Variants in HAPSTR1 observed in about 807,000 individuals in gnomAD.
HAPSTR1 encodes the protein HUWE1-associated protein modifying stress responses 1.
At chr16:9,102,349 A>G in the HAPSTR1 span, among the ~76,000 whole-genome samples, 4 of 152,238 alleles carry the variant, frequency 2.6e-5, no homozygotes, top group African/African-American at 9.6e-5. Flanking sequence ...TCATTTTACC[A>G]AAACCCAGGT....
the HAPSTR1 span, chr16:9,106,365 C>A: frequency 9.0e-6 from 1 of 111,100 alleles, no homozygotes; most frequent in East Asian, 2.4e-4. Context: ...CTGCGACTTC[C>A]GCCTCCTGGG....
chr16:9,114,967 G>C, the HAPSTR1 span, among the ~76,000 whole-genome samples: 1 of 152,186 alleles, frequency 6.6e-6, no homozygotes, highest in African/African-American at 2.4e-5. Flanking sequence ...AAGAGGGACA[G>C]TTTGATTTCC....
At chr16:9,094,297 A>C in the HAPSTR1 span, among the ~76,000 whole-genome samples, 1 of 152,204 alleles carries the variant, frequency 6.6e-6, no homozygotes, top group South Asian at 2.1e-4. Flanking sequence ...TTGATTTTAT[A>C]TAGCTGTTTG....
At chr16:9,102,649 G>T in the HAPSTR1 span, among the ~76,000 whole-genome samples, 20 of 152,254 alleles carry the variant, frequency 1.3e-4, 1 homozygote, top group African/African-American at 4.8e-4. Context: ...CCTGAGGCAT[G>T]TGCAATATTT....
the HAPSTR1 span, among the ~76,000 whole-genome samples, chr16:9,102,725 C>G: frequency 1.3e-5 from 2 of 152,088 alleles, no homozygotes; most frequent in Non-Finnish European, 2.9e-5. Flanking sequence ...CCTAATCTCT[C>G]TGTTTCTGTT....
chr16:9,112,095 T>A, the HAPSTR1 span: 1 of 152,262 alleles, frequency 6.6e-6, no homozygotes, highest in Non-Finnish European at 1.5e-5. Context: ...TTCAGTATTA[T>A]AATTTACAGA....
the HAPSTR1 span, chr16:9,117,105 A>T: frequency 1.3e-6 from 1 of 751,858 alleles, no homozygotes; most frequent in African/African-American, 1.8e-5. Flanking sequence ...GGCTTTCTTA[A>T]AACTATAATC....
At chr16:9,092,707 C>G in the HAPSTR1 span, among the ~76,000 whole-genome samples, 4 of 152,016 alleles carry the variant, frequency 2.6e-5, no homozygotes, top group African/African-American at 7.2e-5. Flanking sequence ...CCCCTGAGCT[C>G]TGCGGCATCC....
the HAPSTR1 span, chr16:9,106,535 C>G: frequency 5.3e-5 from 8 of 151,952 alleles, no homozygotes; most frequent in African/African-American, 1.7e-4. Context: ...CTTAGCCTCA[C>G]TGCTTGCCCC....
the HAPSTR1 span, chr16:9,108,130 C>A: frequency 4.6e-5 from 7 of 152,176 alleles, no homozygotes; most frequent in South Asian, 1.5e-3. Flanking sequence ...ACCATTAAAC[C>A]TACTCTTTCA....
chr16:9,101,738 G>A, the HAPSTR1 span, among the ~76,000 whole-genome samples: 2 of 130,196 alleles, frequency 1.5e-5, no homozygotes, highest in East Asian at 4.2e-4. Flanking sequence ...GTGATGTCTG[G>A]ATGATTTTTT....
chr16:9,101,002 C>G, the HAPSTR1 span, among the ~76,000 whole-genome samples: 29 of 152,174 alleles, frequency 1.9e-4, no homozygotes, highest in Non-Finnish European at 3.7e-4. Context: ...TCTTCATTTA[C>G]AAGCTTGATT....
the HAPSTR1 span, chr16:9,103,372 C>T: frequency 2.7e-6 from 3 of 1,128,012 alleles, no homozygotes; most frequent in Non-Finnish European, 3.7e-6. Flanking sequence ...TTACAGTAAA[C>T]AGCTTGCTCT....
the HAPSTR1 span, among the ~76,000 whole-genome samples, chr16:9,101,207 C>T: frequency 6.6e-6 from 1 of 152,292 alleles, no homozygotes; most frequent in Non-Finnish European, 1.5e-5. Flanking sequence ...TTTGTCCACC[C>T]CTTTAGGGTT....
the HAPSTR1 span, chr16:9,107,855 CCTTGT>C: frequency 1.3e-5 from 2 of 152,034 alleles, no homozygotes; most frequent in Non-Finnish European, 2.9e-5. Flanking sequence ...ATAGCAGGGA[CCTTGT>C]CTTGGTCCTT....
chr16:9,100,927 C>G, the HAPSTR1 span, among the ~76,000 whole-genome samples: 1 of 152,134 alleles, frequency 6.6e-6, no homozygotes, highest in South Asian at 2.1e-4. Flanking sequence ...TTCTGCAGGG[C>G]TGGGCTTACC....
the HAPSTR1 span, chr16:9,104,455 A>C: frequency 6.6e-6 from 1 of 152,250 alleles, no homozygotes; most frequent in Non-Finnish European, 1.5e-5. Context: ...GTCATCTAAA[A>C]CAAAGTAACC....
chr16:9,120,311 C>A, the HAPSTR1 span: 1 of 152,190 alleles, frequency 6.6e-6, no homozygotes, highest in Non-Finnish European at 1.5e-5. Context: ...GATGACCTTA[C>A]CCCATAAGGC....
the HAPSTR1 span, among the ~76,000 whole-genome samples, chr16:9,095,442 T>C: frequency 6.6e-6 from 1 of 152,020 alleles, no homozygotes; most frequent in Non-Finnish European, 1.5e-5. Flanking sequence ...TAAATATAAT[T>C]TAAGGGGGGA....
Sources: gnomAD v4.1 joint callset for allele counts (sites outside exome capture counted in the v4.1 genomes callset) on GRCh38, gnomAD v4.1.1 for gene constraint, MANE v1.5 for transcripts, NCBI Gene and HGNC (gene_info 2026-07-23, HGNC 2026-07-21) for gene names.